Variants in CNTN5 observed in about 807,000 individuals in gnomAD.
CNTN5 encodes the protein contactin 5.
A neutral mutation model predicts 129.1 loss-of-function variants in CNTN5; 77 were observed. The ratio of observed to expected loss-of-function variants is 0.60; its 90% confidence interval spans 0.50 to 0.72. The LOEUF (loss-of-function observed/expected upper bound fraction) is 0.72. CNTN5 is among the 30% of genes least tolerant of loss of function. The probability of loss-of-function intolerance (pLI) is 0.00; values close to 1 mark genes in which losing one functional copy is unlikely to be tolerated. For synonymous variants in CNTN5, 509 were observed against 465.6 expected, an observed-to-expected ratio of 1.09 and a Z score of -1.20; for missense variants, 1,478 against 1,328.8, an observed-to-expected ratio of 1.11 and a Z score of -1.75.
At chr11:100,355,562 A>G (rs1486362688) in intron 24 of CNTN5, among the ~76,000 whole-genome samples, 1 of 151,572 alleles carries the variant, frequency 6.6e-6, no homozygotes, top group Non-Finnish European at 1.5e-5. Context: ...TACAACTAGC[A>G]GAACAGGTTT....
rs958150654 is a variant in CNTN5 at position 100,311,563 on chromosome 11, G to A, written c.2730+3095G>A. Among the ~76,000 whole-genome samples, 5 of 152,146 alleles carry A rather than the reference G, an allele frequency of 3.3e-5. 1 individual carries two copies. In the South Asian group the frequency reaches 8.3e-4, roughly 25 times the overall value. ...AATATTTGGTAAAGAAGGTGCCTGA[G>A]AATTGAGCTCTGGGGTGGCCCACAA... On this transcript the variant is annotated intron_variant, in intron 21 of 24. Transcript: ENST00000524871.
intron 3 of CNTN5, among the ~76,000 whole-genome samples, chr11:99,707,386 G>T (rs904040705): frequency 1.3e-5 from 2 of 151,466 alleles, no homozygotes; most frequent in African/African-American, 2.4e-5. Context: ...CACCTTCAAA[G>T]AACTATTCCC....
At chr11:99,360,484 ACT>A (rs989166048) in intron 2 of CNTN5, among the ~76,000 whole-genome samples, 1 of 151,850 alleles carries the variant, frequency 6.6e-6, no homozygotes, top group Non-Finnish European at 1.5e-5. Context: ...TAATTCATAT[ACT>A]CTCTGCACCA....
chr11:100,028,915 A>G (rs550559489), intron 9 of CNTN5, among the ~76,000 whole-genome samples: 21 of 152,304 alleles, frequency 1.4e-4, no homozygotes, highest in African/African-American at 4.8e-4. Flanking sequence ...TACTAGGTCT[A>G]GGGTGACATT....
At chr11:99,381,944 C>T (rs1940585122) in intron 2 of CNTN5, among the ~76,000 whole-genome samples, 1 of 151,668 alleles carries the variant, frequency 6.6e-6, no homozygotes, top group Non-Finnish European at 1.5e-5. Flanking sequence ...ATCTGATGCT[C>T]CTCGAGGGCT....
At chr11:99,295,619 G>A (rs1864348481) in intron 1 of CNTN5, among the ~76,000 whole-genome samples, 1 of 152,172 alleles carries the variant, frequency 6.6e-6, no homozygotes, top group Non-Finnish European at 1.5e-5. Flanking sequence ...GCTCACGCCT[G>A]TAATCCCAGC....
chr11:99,801,376 A>G (rs1484468243), intron 3 of CNTN5, among the ~76,000 whole-genome samples: 1 of 151,958 alleles, frequency 6.6e-6, no homozygotes, highest in Admixed American at 6.6e-5. Context: ...TTTCCTTAGC[A>G]TTGACTTTGG....
chr11:99,769,135 T>C (rs1341395629), intron 3 of CNTN5, among the ~76,000 whole-genome samples: 1 of 152,122 alleles, frequency 6.6e-6, no homozygotes, highest in Non-Finnish European at 1.5e-5. Flanking sequence ...TTTTTGATAC[T>C]TAAATTATAT....
chr11:100,091,197 G>T (rs1944767164), intron 13 of CNTN5, among the ~76,000 whole-genome samples: 1 of 150,752 alleles, frequency 6.6e-6, no homozygotes, highest in Admixed American at 6.6e-5. Context: ...TGCAGGACAA[G>T]GCACCACTTA....
At chr11:100,218,452 C>G (rs1949189539) in intron 15 of CNTN5, among the ~76,000 whole-genome samples, 2 of 152,290 alleles carry the variant, frequency 1.3e-5, no homozygotes, top group East Asian at 3.9e-4. Context: ...GCTAATGTTT[C>G]AGAAGACCAC....
At chr11:99,618,705 G>C (rs1950835679) in intron 3 of CNTN5, among the ~76,000 whole-genome samples, 1 of 152,080 alleles carries the variant, frequency 6.6e-6, no homozygotes, top group South Asian at 2.1e-4. Context: ...TAGTTAACCT[G>C]GGACTGTTGC....
chr11:100,090,467 CTT>C (rs1289635751), intron 13 of CNTN5, among the ~76,000 whole-genome samples: 17 of 50,864 alleles, frequency 3.3e-4, no homozygotes, highest in Admixed American at 9.7e-4. Context: ...CTCTTTCTTT[CTT>C]TTTCTCTCTT....
intron 2 of CNTN5, among the ~76,000 whole-genome samples, chr11:99,485,977 G>A (rs1482892254): frequency 1.3e-5 from 2 of 151,886 alleles, no homozygotes; most frequent in Non-Finnish European, 1.5e-5. Flanking sequence ...TATACAATAC[G>A]CTTACAATTA....
rs67393369 is a variant in CNTN5 at position 99,858,737 on chromosome 11, G to GAA, written c.577+13483_577+13484dup. ...AATTGATTTACCTCATTTTAGAAATGAAAAAAAAAGGCTTTGCTCATAAAA... is the reference window on the plus strand; with the variant it reads ...AATTGATTTACCTCATTTTAGAAATGAAAAAAAAAAAGGCTTTGCTCATAAAA... On this transcript the variant is annotated intron_variant, in intron 6 of 24. Coordinates refer to ENST00000524871, the MANE Select transcript of CNTN5 (RefSeq NM_014361.4). 1.5e-3 allele frequency among the ~76,000 whole-genome samples: 214 copies of GAA among 146,096 alleles called. 1 individual carries two copies. The highest frequency in any genetic ancestry group is 4.0e-3 in the Admixed American group (59 of 14,608).
At chr11:100,087,401 A>G (rs1049867391) in intron 13 of CNTN5, among the ~76,000 whole-genome samples, 1 of 151,914 alleles carries the variant, frequency 6.6e-6, no homozygotes, top group Admixed American at 6.6e-5. Context: ...TCTACCAAAA[A>G]AAATAAGAAC....
intron 9 of CNTN5, among the ~76,000 whole-genome samples, chr11:100,012,244 G>C (rs1001366246): frequency 7.9e-5 from 12 of 152,050 alleles, no homozygotes; most frequent in African/African-American, 2.2e-4. Flanking sequence ...CATTTCAGAT[G>C]GTACCCAGAG....
At chr11:100,288,580 A>G (rs1950862665) in intron 18 of CNTN5, among the ~76,000 whole-genome samples, 1 of 152,202 alleles carries the variant, frequency 6.6e-6, no homozygotes, top group Admixed American at 6.5e-5. Flanking sequence ...GACACAACAT[A>G]CCAGAATCTC....
At chr11:99,787,016 T>C (rs560661768) in intron 3 of CNTN5, among the ~76,000 whole-genome samples, 1 of 152,236 alleles carries the variant, frequency 6.6e-6, no homozygotes, top group African/African-American at 2.4e-5. Context: ...ATTCGGTGAT[T>C]ATTGGCAAGT....
At chr11:99,185,032 A>C (rs921413513) in intron 1 of CNTN5, among the ~76,000 whole-genome samples, 3 of 152,022 alleles carry the variant, frequency 2.0e-5, no homozygotes, top group South Asian at 2.1e-4. Flanking sequence ...ACACCTAAGA[A>C]AATACAAAAG....
Sources: gnomAD v4.1 joint callset for allele counts (sites outside exome capture counted in the v4.1 genomes callset) on GRCh38, gnomAD v4.1.1 for gene constraint, MANE v1.5 for transcripts, NCBI Gene and HGNC (gene_info 2026-07-23, HGNC 2026-07-21) for gene names.